Variants in SYTL3 observed in about 807,000 individuals in gnomAD.
SYTL3 encodes synaptotagmin like 3.
SYTL3 carries 88 observed loss-of-function variants against 82.1 expected under a neutral mutation model. That is an observed-to-expected ratio of 1.07 (90% CI 0.90 to 1.28). The LOEUF (loss-of-function observed/expected upper bound fraction) is 1.28. Ranked by LOEUF, SYTL3 falls within the 50% of genes most tolerant of loss-of-function variation. The pLI, the probability that SYTL3 is intolerant of heterozygous loss-of-function variation, is 0.00. For missense variants in SYTL3, 831 were observed against 757.6 expected (o/e 1.10, Z -1.14); for synonymous variants, 311 against 289.4 (o/e 1.07, Z -0.76).
chr6:158,668,988 G>A (rs986985595), intron 5 of SYTL3, among the ~76,000 whole-genome samples: 3 of 152,142 alleles, frequency 2.0e-5, no homozygotes, highest in South Asian at 2.1e-4. Flanking sequence ...TCCTCAGCAG[G>A]GGCCGATCAG....
chr6:158,691,528 C>T (rs1167375346), intron 6 of SYTL3, among the ~76,000 whole-genome samples: 1 of 152,126 alleles, frequency 6.6e-6, no homozygotes, highest in Non-Finnish European at 1.5e-5. Flanking sequence ...AGAAATGATG[C>T]CCTCTTCTGG....
chr6:158,701,217 GAT>G (rs1781200322), intron 6 of SYTL3, among the ~76,000 whole-genome samples: 2 of 77,186 alleles, frequency 2.6e-5, no homozygotes, highest in African/African-American at 1.9e-4. Context: ...CTGGGGTGTA[GAT>G]GAAGGAGTGT....
intron 2 of SYTL3, among the ~76,000 whole-genome samples, chr6:158,659,128 C>T (rs1789056754): frequency 6.6e-6 from 1 of 152,106 alleles, no homozygotes; most frequent in Non-Finnish European, 1.5e-5. Flanking sequence ...GGGATGAATG[C>T]GGAATACACA....
At chr6:158,674,873 T>C (rs1442312788) in intron 5 of SYTL3, among the ~76,000 whole-genome samples, 3 of 152,088 alleles carry the variant, frequency 2.0e-5, no homozygotes, top group Admixed American at 2.0e-4. Context: ...TATCCTCTGG[T>C]TAAGCAAGTT....
intron 6 of SYTL3, among the ~76,000 whole-genome samples, chr6:158,683,669 G>A (rs1293797245): frequency 6.6e-6 from 1 of 152,218 alleles, no homozygotes. Context: ...TTGTAGCATT[G>A]TTTGTGCACT....
intron 13 of SYTL3, among the ~76,000 whole-genome samples, chr6:158,754,594 C>T (rs990692787): frequency 2.0e-5 from 3 of 152,206 alleles, no homozygotes; most frequent in Non-Finnish European, 4.4e-5. Context: ...GTGGCGGGCA[C>T]CTGTAGTCCC....
intron 9 of SYTL3, among the ~76,000 whole-genome samples, chr6:158,714,389 AG>A (rs1180732658): frequency 6.6e-6 from 1 of 151,910 alleles, no homozygotes. Context: ...ATGCAATTTC[AG>A]GGAATCTAAA....
chr6:158,734,094 CAAAAAAA>C, intron 11 of SYTL3, among the ~76,000 whole-genome samples: 1 of 74,528 alleles, frequency 1.3e-5, no homozygotes, highest in Non-Finnish European at 2.5e-5. Context: ...GACCCTGTCT[CAAAAAAA>C]AAAAAAAAAA....
At chr6:158,718,679 T>C (rs1783711701) in intron 10 of SYTL3, among the ~76,000 whole-genome samples, 1 of 152,204 alleles carries the variant, frequency 6.6e-6, no homozygotes, top group Non-Finnish European at 1.5e-5. Context: ...ACACCACAAG[T>C]GAGAGCTCCC....
intron 8 of SYTL3, among the ~76,000 whole-genome samples, chr6:158,709,519 G>A (rs934637956): frequency 6.6e-5 from 10 of 152,056 alleles, no homozygotes; most frequent in Admixed American, 4.6e-4. Flanking sequence ...TGTATATATC[G>A]TCTATATTTG....
At chr6:158,663,949 G>C (rs1789694051) in intron 4 of SYTL3, among the ~76,000 whole-genome samples, 1 of 152,070 alleles carries the variant, frequency 6.6e-6, no homozygotes, top group African/African-American at 2.4e-5. Flanking sequence ...ACTCTTCCCT[G>C]TCTGTCTCTA....
At chr6:158,759,025 G>T (rs552269840) in intron 14 of SYTL3, among the ~76,000 whole-genome samples, 3 of 152,188 alleles carry the variant, frequency 2.0e-5, no homozygotes, top group Non-Finnish European at 4.4e-5. Flanking sequence ...GACGCCCTGA[G>T]TTTCCAGCCT....
chr6:158,693,850 CTTTTCTTT>C (rs1289264036), intron 6 of SYTL3, among the ~76,000 whole-genome samples: 2 of 58,438 alleles, frequency 3.4e-5, no homozygotes, highest in Non-Finnish European at 6.2e-5. Context: ...CTTTCTTTTT[CTTTTCTTT>C]TTTTTTTTTT....
intron 3 of SYTL3, among the ~76,000 whole-genome samples, chr6:158,661,714 A>G (rs1441092762): frequency 6.6e-6 from 1 of 152,260 alleles, no homozygotes; most frequent in Non-Finnish European, 1.5e-5. Flanking sequence ...ATATGGATAT[A>G]GGCAAGAAAC....
At chr6:158,672,634 A>T (rs1161608268) in intron 5 of SYTL3, among the ~76,000 whole-genome samples, 1 of 141,136 alleles carries the variant, frequency 7.1e-6, no homozygotes. Context: ...AATTTTTTTA[A>T]TTTAATTTTT....
At chr6:158,745,271 A>ATGCCTGTAATCCCAGCACTTTGGG (rs1484784930) in intron 11 of SYTL3, among the ~76,000 whole-genome samples, 1 of 96,790 alleles carries the variant, frequency 1.0e-5, no homozygotes, top group Admixed American at 8.6e-5. Context: ...GTATCTAGGC[A>ATGCCTGTAATCCCAGCACTTTGGG]AGAGAGGGCC....
chr6:158,693,565 A>C (rs1780153560), intron 6 of SYTL3, among the ~76,000 whole-genome samples: 1 of 152,138 alleles, frequency 6.6e-6, no homozygotes, highest in East Asian at 1.9e-4. Context: ...TTGCATTTTT[A>C]GTAGAGATGG....
In SYTL3 at chr6:158,764,696, G is replaced by C; in HGVS notation, c.*92G>C. 2 of 848,494 alleles carry C rather than the reference G, an allele frequency of 2.4e-6. No individual in the cohort carries two copies. The highest frequency in any genetic ancestry group is 4.0e-6 in the Non-Finnish European group (2 of 504,240). 52.6% of individuals were successfully genotyped at this position (848,494 alleles called of 1,614,324 possible). A position where few individuals can be genotyped will look rare whatever the true frequency, so the allele number is the denominator to read the frequency against. On this transcript the variant is annotated 3_prime_UTR_variant, in exon 18 of 18. Coordinates refer to ENST00000611299, the MANE Select transcript of SYTL3 (RefSeq NM_001242394.2). ...AACCAGGTGCAGGGTCCCAGCTGGA[G>C]ACCCCTTTGACCTTGAGCAGTCTCC...
Position 158,661,368 on chromosome 6 carries a change from A to G in SYTL3, c.-537A>G, listed in dbSNP as rs560921295. ...AGGCGTTGCCCCTGCTGGCATAGTC[A>G]GGTACCAGCCCAGCCAGGTAAGAAC... On this transcript the variant is annotated 5_prime_UTR_variant, in exon 3 of 18. Transcript: ENST00000611299. The G allele has an allele frequency of 2.0e-5, 3 of 152,328 alleles. No homozygotes were observed. The highest frequency in any genetic ancestry group is 1.3e-4 in the Admixed American group (2 of 15,306). 9.4% of individuals were successfully genotyped at this position (152,328 alleles called of 1,614,324 possible). A position where few individuals can be genotyped will look rare whatever the true frequency, so the allele number is the denominator to read the frequency against.
Sources: gnomAD v4.1 joint callset for allele counts (sites outside exome capture counted in the v4.1 genomes callset) on GRCh38, gnomAD v4.1.1 for gene constraint, MANE v1.5 for transcripts, NCBI Gene and HGNC (gene_info 2026-07-23, HGNC 2026-07-21) for gene names.